DCDC2C: variants seen among roughly 807,000 people sequenced by gnomAD.
DCDC2C encodes doublecortin domain containing 2C.
Under a neutral mutation model 45.0 loss-of-function variants are expected in DCDC2C, and 44 were observed. The ratio of observed to expected loss-of-function variants is 0.98; its 90% CI spans 0.77 to 1.26. The LOEUF (loss-of-function observed/expected upper bound fraction) is 1.26. Among genes scored for constraint, DCDC2C ranks in the 50% most tolerant of loss-of-function variants. The pLI, the probability that DCDC2C is intolerant of heterozygous loss-of-function variation, is 0.00. For synonymous variants in DCDC2C, 187 were observed against 178.8 expected (o/e 1.05, Z -0.37); for missense variants, 447 against 468.9 (o/e 0.95, Z 0.43).
chr2:3,801,453 G>A (rs1671110757), intron 10 of DCDC2C, among the ~76,000 whole-genome samples: 1 of 152,236 alleles, frequency 6.6e-6, no homozygotes, highest in Admixed American at 6.5e-5. Context: ...GTCATTGTTT[G>A]AGAAATTACA....
At position 3,773,599 on chromosome 2, in the gene DCDC2C, A is replaced by C. The variant is rs183340294; in HGVS notation, c.954+4188A>C. Among the ~76,000 whole-genome samples, 275 of 152,378 alleles carry C rather than the reference A, an allele frequency of 1.8e-3. 2 individuals are homozygous for C. The highest frequency in any genetic ancestry group is 8.0e-3 in the Admixed American group (122 of 15,312). On this transcript the variant is annotated intron_variant, in intron 8 of 10. Coordinates refer to ENST00000399143, the MANE Select transcript of DCDC2C (RefSeq NM_001287444.2). The stretch of plus-strand genomic sequence containing the variant: ...TTAATGTTGAAATTCTGATTTAAGT[A>C]CTACATTTTTACAAAAGCAAGGTCT...
intron 10 of DCDC2C, among the ~76,000 whole-genome samples, chr2:3,785,642 T>G (rs1341816885): frequency 6.6e-6 from 1 of 152,134 alleles, no homozygotes; most frequent in Non-Finnish European, 1.5e-5. Flanking sequence ...GAAGCGCTGC[T>G]CTCCCTGCCG....
At chr2:3,743,994 C>CT (rs1289388067) in intron 4 of DCDC2C, among the ~76,000 whole-genome samples, 1 of 152,094 alleles carries the variant, frequency 6.6e-6, no homozygotes, top group Non-Finnish European at 1.5e-5. Flanking sequence ...TAAATGGACT[C>CT]TAAAAATGGG....
intron 8 of DCDC2C, among the ~76,000 whole-genome samples, chr2:3,777,123 C>T (rs1360850168): frequency 2.0e-5 from 3 of 152,222 alleles, no homozygotes; most frequent in African/African-American, 7.2e-5. Context: ...GCGCTTCTTC[C>T]TGCAACAGGG....
chr2:3,755,148 T>C (rs768386269), intron 6 of DCDC2C, among the ~76,000 whole-genome samples: 16 of 151,518 alleles, frequency 1.1e-4, no homozygotes, highest in Middle Eastern at 3.4e-3. Flanking sequence ...TGTGTGTGTA[T>C]GTATGGATGC....
intron 3 of DCDC2C, among the ~76,000 whole-genome samples, chr2:3,732,108 A>T (rs1386810224): frequency 6.6e-6 from 1 of 152,112 alleles, no homozygotes; most frequent in Non-Finnish European, 1.5e-5. Context: ...GATGGAGGGA[A>T]ACAGGGAGGG....
intron 2 of DCDC2C, among the ~76,000 whole-genome samples, chr2:3,720,219 T>G (rs542196404): frequency 6.6e-6 from 1 of 152,350 alleles, no homozygotes. Flanking sequence ...TTAAGAATCG[T>G]TGCCAGCCAT....
At position 3,703,779 on chromosome 2, in the gene DCDC2C, G is replaced by A. The variant is rs1572541164; in HGVS notation, c.28G>A (p.Val10Met). 6.5e-6 allele frequency: 8 copies of A among 1,237,000 alleles called. No homozygotes were observed. In the East Asian group the frequency reaches 2.2e-4, roughly 34 times the overall value. The allele number at this position is 1,237,000 out of a possible 1,614,324, so 76.6% of individuals were successfully genotyped here. The change falls in exon 1 of 11, where the codon GTG becomes ATG. Residue 10 changes from valine (V) to methionine (M), a missense_variant. Val to Met is a conservative substitution (Grantham distance 21, BLOSUM62 1). Coordinates refer to ENST00000399143, the MANE Select transcript of DCDC2C (RefSeq NM_001287444.2). This position sits in a 1 kb window ranked among gnomAD's most constrained non-coding sequence, Gnocchi z 4.4. MGTRGPSAPVDTTPAKTIVV... is the reference protein window; with the variant it reads MGTRGPSAPMDTTPAKTIVV... ...GGGAACCCGCGGGCCCTCCGCGCCG[G>A]TGGACACCACGCCCGCCAAGACCAT...
rs1177154953 is a variant in DCDC2C at position 3,703,636 on chromosome 2, G to A, written c.-116G>A. 2.9e-6 allele frequency: 3 copies of A among 1,025,462 alleles called. No homozygotes were observed. Among genetic ancestry groups the A allele is most frequent in the Non-Finnish European group, 3.7e-6 (3 of 807,962 alleles). The allele number at this position is 1,025,462 out of a possible 1,614,324, so 63.5% of individuals were successfully genotyped here. ...CCCGTCCCGTCCCCGTCCTGCGCCA[G>A]CGGCTGGAGCGGACCTCCCGTCGGC... is the stretch of plus-strand genomic sequence containing the variant. On this transcript the variant is annotated 5_prime_UTR_variant, in exon 1 of 11. Transcript: ENST00000399143. This position sits in a 1 kb window ranked among gnomAD's most constrained non-coding sequence, Gnocchi z 4.4.
intron 10 of DCDC2C, among the ~76,000 whole-genome samples, chr2:3,841,479 T>G (rs1672213212): frequency 6.6e-6 from 1 of 152,080 alleles, no homozygotes; most frequent in South Asian, 2.1e-4. Context: ...TTCTGCACAT[T>G]CTAATTTTAT....
At chr2:3,842,677 T>C (rs1672245211) in intron 10 of DCDC2C, among the ~76,000 whole-genome samples, 1 of 151,200 alleles carries the variant, frequency 6.6e-6, no homozygotes, top group South Asian at 2.1e-4. Context: ...TCTCAGTGGC[T>C]TTACACAATA....
intron 10 of DCDC2C, among the ~76,000 whole-genome samples, chr2:3,820,498 G>T (rs1324262710): frequency 2.0e-5 from 3 of 152,142 alleles, no homozygotes; most frequent in Non-Finnish European, 4.4e-5. Flanking sequence ...GGGAATGTGG[G>T]TGAATGACCA....
chr2:3,819,943 T>A (rs1313446216), intron 10 of DCDC2C, among the ~76,000 whole-genome samples: 1 of 152,060 alleles, frequency 6.6e-6, no homozygotes, highest in Admixed American at 6.6e-5. Context: ...AATTGCAACC[T>A]GGCTAGGCCT....
At chr2:3,762,889 G>C (rs1161361803) in intron 6 of DCDC2C, among the ~76,000 whole-genome samples, 1 of 152,134 alleles carries the variant, frequency 6.6e-6, no homozygotes, top group Non-Finnish European at 1.5e-5. Flanking sequence ...GGCTTCAGGG[G>C]AACTGACAAG....
intron 6 of DCDC2C, among the ~76,000 whole-genome samples, chr2:3,766,093 G>A (rs141189576): frequency 6.6e-5 from 10 of 152,248 alleles, no homozygotes; most frequent in Non-Finnish European, 1.2e-4. Context: ...CCACGTCAGG[G>A]TGGAGGCTCC....
chr2:3,815,925 C>A (rs146943097), intron 10 of DCDC2C, among the ~76,000 whole-genome samples: 3 of 152,118 alleles, frequency 2.0e-5, no homozygotes, highest in Admixed American at 2.0e-4. Flanking sequence ...GGCTCAGAGA[C>A]CTGACATTCC....
rs1188134141 is a variant in DCDC2C, at chr2:3,811,351, G to A, written c.1065+26251G>A. 2.6e-5 allele frequency among the ~76,000 whole-genome samples: 4 copies of A among 152,132 alleles called. 1 individual carries two copies. The highest frequency in any genetic ancestry group is 7.2e-5 in the African/African-American group (3 of 41,430). ...TATTCTCTTTGTAGCGATTGTGAAT[G>A]GGAGTTCATTTATGGTTTGGCTGTC... On this transcript the variant is annotated intron_variant, in intron 10 of 10. Coordinates refer to ENST00000399143, the MANE Select transcript of DCDC2C (RefSeq NM_001287444.2).
intron 2 of DCDC2C, among the ~76,000 whole-genome samples, chr2:3,723,194 C>G (rs1668543748): frequency 6.6e-6 from 1 of 152,186 alleles, no homozygotes; most frequent in Non-Finnish European, 1.5e-5. Context: ...ACTCATCGTT[C>G]AGGCACTGAA....
intron 2 of DCDC2C, among the ~76,000 whole-genome samples, chr2:3,712,735 T>C (rs1211917068): frequency 6.6e-6 from 1 of 152,176 alleles, no homozygotes; most frequent in East Asian, 1.9e-4. Context: ...CATGGGTTTC[T>C]TTGTGAGGCC....
Sources: gnomAD v4.1 joint callset for allele counts (sites outside exome capture counted in the v4.1 genomes callset) on GRCh38, gnomAD v4.1.1 for gene constraint, Gnocchi (gnomAD v3.1) non-coding constraint, MANE v1.5 for transcripts, NCBI Gene and HGNC (gene_info 2026-07-23, HGNC 2026-07-21) for gene names.